Variants in HSD3B1 observed in about 807,000 individuals in gnomAD.
HSD3B1 encodes the protein hydroxy-delta-5-steroid dehydrogenase, 3 beta- and steroid delta-isomerase 1.
A neutral mutation model predicts 10.4 loss-of-function variants in HSD3B1; 11 were observed. That is an observed-to-expected ratio of 1.05 (90% CI 0.66 to 1.75). The LOEUF (loss-of-function observed/expected upper bound fraction) is 1.75, where lower values mean the gene tolerates loss of function less well. HSD3B1 is among the 40% of genes most tolerant of loss of function. The pLI is 0.00. For missense variants in HSD3B1, 490 were observed against 454.5 expected (o/e 1.08, Z -0.71); for synonymous variants, 217 against 185.4 (o/e 1.17, Z -1.39).
At chr1:119,510,600 T>C (rs1653903653) in intron 2 of HSD3B1, among the ~76,000 whole-genome samples, 2 of 151,980 alleles carry the variant, frequency 1.3e-5, no homozygotes, top group African/African-American at 4.8e-5. Flanking sequence ...AATCACTTGA[T>C]CATCAGTCTT....
At chr1:119,511,415 T>C (rs1653933647) in intron 2 of HSD3B1, 88 bp from the exon 3 acceptor site, 1 of 1,358,328 alleles carries the variant, frequency 7.4e-7, no homozygotes, top group Admixed American at 1.8e-5. Flanking sequence ...CTAACCATCC[T>C]TGAACACCTA....
rs1802875 is a variant in HSD3B1, at chr1:119,514,252, C to T, written c.729C>T (p.Pro243=). 1.2e-6 allele frequency: 2 copies of T among 1,614,086 alleles called. No individual in the cohort carries two copies. Among genetic ancestry groups the T allele is most frequent in the Non-Finnish European group, 8.5e-7 (1 of 1,179,988 alleles). The part of the protein sequence containing the change: ...HILALRALQD[P]KKAPSIRGQF... ...TGGCCTTGAGGGCCCTGCAGGACCCCAAGAAGGCCCCAAGCATCCGAGGAC... is the reference window on the plus strand; with the variant it reads ...TGGCCTTGAGGGCCCTGCAGGACCCTAAGAAGGCCCCAAGCATCCGAGGAC... The change falls in exon 4 of 4, where the codon CCC becomes CCT. Residue 243 remains proline, a synonymous_variant. Transcript: ENST00000369413.
At position 119,510,712 on chromosome 1, in the gene HSD3B1, GTTTTCTTTTTTTTTTTT is replaced by G. The variant is rs1312520631; in HGVS notation, c.146-786_146-770del. Among the ~76,000 whole-genome samples the G allele has an allele frequency of 1.6e-3, 63 of 39,102 alleles. 8 individuals carry two copies. The highest frequency in any genetic ancestry group is 0.02 in the Middle Eastern group (1 of 50). 25.7% of individuals were successfully genotyped at this position (39,102 alleles called of 152,430 possible). A position where few individuals can be genotyped will look rare whatever the true frequency, so the allele number is the denominator to read the frequency against. ...TCCTTTTTTTGTTGTTGCTTGTGTG[GTTTTCTTTTTTTTTTTT>G]TTTTTTTTTTTTTTTTTTTTTTTTT... On this transcript the variant is annotated intron_variant, in intron 2 of 3. Transcript: ENST00000369413.
chr1:119,512,556 CT>C (rs957893953), intron 3 of HSD3B1, among the ~76,000 whole-genome samples: 1 of 149,870 alleles, frequency 6.7e-6, no homozygotes, highest in African/African-American at 2.4e-5. Context: ...CAACCAATTG[CT>C]TTTGAGTCTC....
intron 2 of HSD3B1, among the ~76,000 whole-genome samples, chr1:119,509,633 G>A (rs903083806): frequency 6.6e-6 from 1 of 152,194 alleles, no homozygotes; most frequent in Non-Finnish European, 1.5e-5. Flanking sequence ...ACCACCAGCA[G>A]CCTCTTCCCT....
Position 119,514,751 on chromosome 1 carries a change from G to A in HSD3B1, c.*106G>A. 2 of 1,272,524 alleles carry A rather than the reference G, an allele frequency of 1.6e-6. No homozygotes were observed. The highest frequency in any genetic ancestry group is 2.2e-6 in the Non-Finnish European group (2 of 894,610). 78.8% of individuals were successfully genotyped at this position (1,272,524 alleles called of 1,614,324 possible). ...TGACAAGGGCACAAGCTCAGGTCCT[G>A]CTGCCTCCCTTTCATACAATGGCCA... On this transcript the variant is annotated 3_prime_UTR_variant, in exon 4 of 4. Coordinates refer to ENST00000369413, the MANE Select transcript of HSD3B1 (RefSeq NM_000862.3).
chr1:119,508,473 C>T (rs1300922345), intron 2 of HSD3B1, among the ~76,000 whole-genome samples: 1 of 152,040 alleles, frequency 6.6e-6, no homozygotes, highest in Non-Finnish European at 1.5e-5. Context: ...CCCCAAGAGG[C>T]AGGTAGAAAA....
intron 3 of HSD3B1, among the ~76,000 whole-genome samples, chr1:119,512,862 G>A (rs1653975819): frequency 6.6e-6 from 1 of 152,156 alleles, no homozygotes. Flanking sequence ...ACATGAGGCT[G>A]TCTTTCCAGA....
rs962978657 is a variant in HSD3B1, at chr1:119,510,717, CTTTTTTTTTTTTTTTTTTTT to C, written c.146-768_146-749del. Among the ~76,000 whole-genome samples the C allele has an allele frequency of 9.0e-4, 49 of 54,172 alleles. 1 individual carries two copies. The highest frequency in any genetic ancestry group is 4.3e-3 in the Admixed American group (18 of 4,176). 35.5% of individuals were successfully genotyped at this position (54,172 alleles called of 152,430 possible). A position where few individuals can be genotyped will look rare whatever the true frequency, so the allele number is the denominator to read the frequency against. ...TTTTTGTTGTTGCTTGTGTGGTTTT[CTTTTTTTTTTTTTTTTTTTT>C]TTTTTTTTTTTTTTTTTGAGACAAG... On this transcript the variant is annotated intron_variant, in intron 2 of 3. Coordinates refer to ENST00000369413, the MANE Select transcript of HSD3B1 (RefSeq NM_000862.3).
chr1:119,513,018 G>A (rs984248134), intron 3 of HSD3B1, among the ~76,000 whole-genome samples: 8 of 152,178 alleles, frequency 5.3e-5, no homozygotes, highest in African/African-American at 1.7e-4. Context: ...CAGCTCAGGG[G>A]AGGCTGCAAG....
At position 119,514,174 on chromosome 1, in the gene HSD3B1, G is replaced by A. The variant is rs748352547; in HGVS notation, c.651G>A (p.Lys217=). ...NNNGILSSVG[K]FSTVNPVYVG... ...ATGGGATCCTGTCAAGTGTTGGAAA[G>A]TTCTCCACTGTTAACCCAGTCTATG... The change falls in exon 4 of 4, where the codon AAG becomes AAA. Residue 217 remains lysine, a synonymous_variant. Transcript: ENST00000369413. 6 of 1,614,014 alleles carry A rather than the reference G, an allele frequency of 3.7e-6. No homozygotes were observed. The highest frequency in any genetic ancestry group is 5.1e-6 in the Non-Finnish European group (6 of 1,180,014).
intron 2 of HSD3B1, 25 bp downstream of exon 2, chr1:119,507,646 T>C: frequency 1.2e-6 from 2 of 1,613,078 alleles, no homozygotes; most frequent in Non-Finnish European, 1.7e-6. Context: ...GTCATGGGTG[T>C]GTGGTTCCAT....
chr1:119,507,647 G>T lies in HSD3B1; in HGVS notation c.145+26G>T, dbSNP rs1287084820. The T allele has an allele frequency of 1.9e-6, 3 of 1,613,050 alleles. 1 individual carries two copies. In the South Asian group the frequency reaches 3.3e-5, roughly 18 times the overall value. ...GTAAGTAAACTTGGGTCATGGGTGT[G>T]TGGTTCCATCTTAAACACTGCATGT... On this transcript the variant is annotated intron_variant, in intron 2 of 3. Transcript: ENST00000369413.
rs962978657 is a variant in HSD3B1 at position 119,510,717 on chromosome 1, C to CTTTTTT, written c.146-754_146-749dup. On this transcript the variant is annotated intron_variant, in intron 2 of 3. Coordinates refer to ENST00000369413, the MANE Select transcript of HSD3B1 (RefSeq NM_000862.3). ...TTTTTGTTGTTGCTTGTGTGGTTTT[C>CTTTTTT]TTTTTTTTTTTTTTTTTTTTTTTTT... Among the ~76,000 whole-genome samples, 197 of 54,166 alleles carry CTTTTTT rather than the reference C, an allele frequency of 3.6e-3. 86 individuals carry two copies. The highest frequency in any genetic ancestry group is 4.6e-3 in the Non-Finnish European group (130 of 27,984). The allele number at this position is 54,166 out of a possible 152,430, so 35.5% of individuals were successfully genotyped here.
At chr1:119,509,673 T>C (rs1653882868) in intron 2 of HSD3B1, among the ~76,000 whole-genome samples, 1 of 151,946 alleles carries the variant, frequency 6.6e-6, no homozygotes, top group South Asian at 2.1e-4. Context: ...CTTCTTGGAG[T>C]TGCCTGACAA....
intron 3 of HSD3B1, among the ~76,000 whole-genome samples, chr1:119,513,424 C>A (rs1196198385): frequency 6.6e-6 from 1 of 152,162 alleles, no homozygotes; most frequent in South Asian, 2.1e-4. Flanking sequence ...AGGACTGGAA[C>A]TGTCCATATT....
chr1:119,514,457 C>T lies in HSD3B1; in HGVS notation c.934C>T (p.Arg312Ter). ...CCTACTCAGGCCAATTTACACCTAT[C>T]GACCGCCCTTCAACCGCCACATAGT... ...SFLLRPIYTY[R>*]PPFNRHIVTL... Residue 312 changes from arginine to a stop codon, truncating the protein, a stop_gained, in exon 4 of 4, where the codon CGA becomes TGA. Transcript: ENST00000369413. LOFTEE classifies it low-confidence loss of function (END_TRUNC). 9.3e-6 allele frequency: 15 copies of T among 1,614,068 alleles called. No individual in the cohort carries two copies. Among genetic ancestry groups the T allele is most frequent in the East Asian group, 2.2e-5 (1 of 44,862 alleles).
chr1:119,507,662 A>G (rs771203999), intron 2 of HSD3B1, 41 bp downstream of exon 2: 18 of 1,604,676 alleles, frequency 1.1e-5, no homozygotes, highest in Non-Finnish European at 1.5e-5. Context: ...TCCATCTTAA[A>G]CACTGCATGT....
chr1:119,507,257 C>T lies in HSD3B1; in HGVS notation c.-91C>T. ...TTCTGTCCAGCTTTTAACAATCTAA[C>T]TAATGGTTAGAGATTTTTCATTTTC... On this transcript the variant is annotated 5_prime_UTR_variant, in exon 1 of 4. Coordinates refer to ENST00000369413, the MANE Select transcript of HSD3B1 (RefSeq NM_000862.3). 1 of 537,328 alleles carries T rather than the reference C, an allele frequency of 1.9e-6. No homozygotes were observed. Among genetic ancestry groups the T allele is most frequent in the South Asian group, 2.0e-5 (1 of 49,044 alleles). 33.3% of individuals were successfully genotyped at this position (537,328 alleles called of 1,614,324 possible). A position where few individuals can be genotyped will look rare whatever the true frequency, so the allele number is the denominator to read the frequency against.
Sources: gnomAD v4.1 joint callset for allele counts (sites outside exome capture counted in the v4.1 genomes callset) on GRCh38, gnomAD v4.1.1 for gene constraint, MANE v1.5 for transcripts, NCBI Gene and HGNC (gene_info 2026-07-23, HGNC 2026-07-21) for gene names.